AFTPH: variants seen among roughly 807,000 people sequenced by gnomAD.
The protein encoded by AFTPH is aftiphilin, also known as aftiphilin protein.
A neutral mutation model predicts 72.5 loss-of-function variants in AFTPH; 7 were observed. The ratio of observed to expected loss-of-function variants is 0.10; its 90% CI spans 0.05 to 0.18. AFTPH has a LOEUF of 0.18. AFTPH is among the 10% of genes least tolerant of loss of function. AFTPH has a pLI of 1.00. For synonymous variants in AFTPH, 337 were observed against 370.1 expected (o/e 0.91, Z 1.03); for missense variants, 979 against 1,060.5 (o/e 0.92, Z 1.07).
chr2:64,568,457 C>A (rs1000154603), intron 3 of AFTPH, among the ~76,000 whole-genome samples: 1 of 152,184 alleles, frequency 6.6e-6, no homozygotes, highest in Non-Finnish European at 1.5e-5. Context: ...CTTACACATA[C>A]ATTGCCTCGG....
intron 1 of AFTPH, among the ~76,000 whole-genome samples, chr2:64,548,407 G>GAAAAAA (rs57995634): frequency 3.3e-3 from 197 of 59,962 alleles, no homozygotes; most frequent in African/African-American, 4.6e-3. Context: ...CTCAAAAAAA[G>GAAAAAA]AAAAAAAAAA....
chr2:64,553,246 A>G, exon 2 of AFTPH: 2 of 1,614,172 alleles, frequency 1.2e-6, no homozygotes, highest in Non-Finnish European at 8.5e-7. Context: ...TTTGGAGACC[A>G]GCAGGCTACT....
intron 6 of AFTPH, among the ~76,000 whole-genome samples, chr2:64,575,459 C>T (rs922621391): frequency 8.6e-5 from 13 of 151,894 alleles, no homozygotes; most frequent in Admixed American, 3.9e-4. Flanking sequence ...AACCCTGCCT[C>T]TACAAAAATT....
At chr2:64,585,424 G>A (rs1296935332) in exon 8 of AFTPH, 1 of 1,613,564 alleles carries the variant, frequency 6.2e-7, no homozygotes. Context: ...ACTATAAGGT[G>A]TGGATCCGGA....
chr2:64,548,949 T>G (rs1264611690), intron 1 of AFTPH, among the ~76,000 whole-genome samples: 1 of 152,226 alleles, frequency 6.6e-6, no homozygotes, highest in Admixed American at 6.5e-5. Flanking sequence ...GACTTGCTCA[T>G]TTCTTCCTGG....
chr2:64,565,319 C>G (rs1052407425), intron 2 of AFTPH, among the ~76,000 whole-genome samples: 1 of 151,088 alleles, frequency 6.6e-6, no homozygotes, highest in African/African-American at 2.4e-5. Flanking sequence ...ACTAAAAATA[C>G]AAAAAATTAG....
intron 8 of AFTPH, 107 bp downstream of exon 9, chr2:64,585,652 T>A: frequency 1.5e-6 from 2 of 1,304,046 alleles, no homozygotes; most frequent in Non-Finnish European, 2.1e-6. Flanking sequence ...TATCACAACT[T>A]GCTTTATAAA....
At chr2:64,558,699 G>T (rs1671536565) in intron 2 of AFTPH, among the ~76,000 whole-genome samples, 1 of 152,186 alleles carries the variant, frequency 6.6e-6, no homozygotes, top group African/African-American at 2.4e-5. Flanking sequence ...ATAATTTATT[G>T]CTGTGCATTT....
intron 1 of AFTPH, among the ~76,000 whole-genome samples, chr2:64,542,814 C>A (rs1670338274): frequency 6.6e-6 from 1 of 151,982 alleles, no homozygotes; most frequent in Non-Finnish European, 1.5e-5. Context: ...AATGTTTGTG[C>A]CAACTAAGCA....
chr2:64,553,294 G>A (rs1460927114), exon 2 of AFTPH: 1 of 1,614,078 alleles, frequency 6.2e-7, no homozygotes, highest in Non-Finnish European at 8.5e-7. Flanking sequence ...CAGTCACATA[G>A]GACAGATGAA....
intron 2 of AFTPH, 142 bp from the exon 3 acceptor site, chr2:64,567,420 C>T (rs1232240344): frequency 2.6e-5 from 20 of 773,606 alleles, no homozygotes; most frequent in Non-Finnish European, 3.6e-5. Context: ...TAGTTGTGTT[C>T]TTTTCACTCA....
At chr2:64,583,684 A>AT (rs1473876178) in intron 7 of AFTPH, among the ~76,000 whole-genome samples, 6 of 152,300 alleles carry the variant, frequency 3.9e-5, no homozygotes, top group African/African-American at 1.4e-4. Flanking sequence ...AATTTTTTAC[A>AT]TTTTAATTGC....
rs201605885 is a variant in AFTPH, at chr2:64,569,641, A to C, written c.2233A>C (p.Lys745Gln). 3.7e-6 allele frequency: 6 copies of C among 1,613,792 alleles called. No individual in the cohort carries two copies. The highest frequency in any genetic ancestry group is 2.2e-5 in the East Asian group (1 of 44,784). ...TGTGTAGCTCTTCACGGGCAATAAG[A>C]AGCAGCCTGTTATAGTGCCCATGTA... Residue 745 changes from lysine (K) to glutamine (Q), a missense_variant, in exon 5 of 9, where the codon AAG becomes CAG. By Grantham distance (53) the Lys-to-Gln change is moderately conservative. Transcript: ENST00000238856.
At chr2:64,551,869 G>A (rs2103939767) in exon 2 of AFTPH, 1 of 1,613,814 alleles carries the variant, frequency 6.2e-7, no homozygotes, top group East Asian at 2.2e-5. Flanking sequence ...GAAAGACCAG[G>A]AAATTTAAAT....
At chr2:64,579,765 A>G (rs1673055354) in intron 7 of AFTPH, 2 of 395,960 alleles carry the variant, frequency 5.1e-6, no homozygotes, top group Non-Finnish European at 8.9e-6. Context: ...GTAGTTAGGT[A>G]AAATTTTAGT....
At chr2:64,586,841 G>GA (rs1222482403) in intron 8 of AFTPH, among the ~76,000 whole-genome samples, 3 of 151,812 alleles carry the variant, frequency 2.0e-5, no homozygotes, top group African/African-American at 7.3e-5. Context: ...TCCTCTCATA[G>GA]AAAAAAATGG....
intron 1 of AFTPH, among the ~76,000 whole-genome samples, chr2:64,548,473 A>C (rs934869917): frequency 6.7e-6 from 1 of 150,372 alleles, no homozygotes; most frequent in East Asian, 2.0e-4. Context: ...TGGCTGTATA[A>C]TATGCTATTG....
intron 1 of AFTPH, among the ~76,000 whole-genome samples, chr2:64,550,675 A>C (rs939690574): frequency 6.2e-4 from 77 of 124,074 alleles, no homozygotes; most frequent in South Asian, 3.7e-3. Flanking sequence ...AACTGTACGC[A>C]TGCACACACA....
exon 2 of AFTPH, chr2:64,552,238 A>G: frequency 6.2e-7 from 1 of 1,613,982 alleles, no homozygotes; most frequent in Non-Finnish European, 8.5e-7. Flanking sequence ...GTTTTAAATG[A>G]TAGAGAAGCA....
Sources: gnomAD v4.1 joint callset for allele counts (sites outside exome capture counted in the v4.1 genomes callset) on GRCh38, gnomAD v4.1.1 for gene constraint, MANE v1.5 for transcripts, NCBI Gene and HGNC (gene_info 2026-07-23, HGNC 2026-07-21) for gene names.